GNB1: variants seen among roughly 807,000 people sequenced by gnomAD.
The protein encoded by GNB1 is G protein subunit beta 1.
GNB1 carries 2 observed loss-of-function variants against 42.9 expected under a neutral mutation model. The observed-to-expected ratio is 0.05, with a 90% confidence interval of 0.02 to 0.15. The LOEUF (loss-of-function observed/expected upper bound fraction) is 0.15. GNB1 is among the 10% of genes least tolerant of loss of function. The pLI is 1.00. For missense variants in GNB1, 193 were observed against 462.2 expected (o/e 0.42, Z 5.34); for synonymous variants, 183 against 174.7 (o/e 1.05, Z -0.38).
intron 2 of GNB1, among the ~76,000 whole-genome samples, chr1:1,830,992 C>T (rs1002028361): frequency 2.6e-5 from 4 of 152,068 alleles, no homozygotes; most frequent in South Asian, 4.2e-4. Context: ...GGTGAAACTC[C>T]GTTTCTACTA....
chr1:1,829,222 A>G (rs1647042299), intron 2 of GNB1, among the ~76,000 whole-genome samples: 1 of 151,966 alleles, frequency 6.6e-6, no homozygotes, highest in African/African-American at 2.4e-5. Flanking sequence ...ACGCTTGGCT[A>G]GTTTTTGTAT....
intron 1 of GNB1, among the ~76,000 whole-genome samples, chr1:1,889,536 G>C (rs1328384648): frequency 2.0e-5 from 3 of 152,076 alleles, no homozygotes; most frequent in African/African-American, 7.2e-5. Flanking sequence ...GACAGGCTGG[G>C]CACGGTGGCT....
intron 10 of GNB1, chr1:1,788,766 G>A: frequency 2.8e-6 from 1 of 356,438 alleles, no homozygotes; most frequent in Non-Finnish European, 5.3e-6. Flanking sequence ...GTTCAGAGGG[G>A]AAAGCACGGG....
At chr1:1,835,913 T>A (rs1161524370) in intron 2 of GNB1, among the ~76,000 whole-genome samples, 1 of 46,288 alleles carries the variant, frequency 2.2e-5, no homozygotes, top group Non-Finnish European at 5.1e-5. Flanking sequence ...CTTACAAGAA[T>A]TAAAAAAAGA....
In GNB1 at chr1:1,852,559, G is replaced by A. The variant is rs997428781; in HGVS notation, c.-95-13321C>T. 4.6e-5 allele frequency among the ~76,000 whole-genome samples: 7 copies of A among 152,032 alleles called. No individual in the cohort carries two copies. The South Asian group carries it at 8.3e-4, about 18-fold the overall frequency. On this transcript the variant is annotated intron_variant, in intron 1 of 11. Transcript: ENST00000378609. ...AATATTTTTTAAAAAAATTGGCATG[G>A]TGGTGCATACCTGTAGTCCTAGCTA...
chr1:1,852,621 G>A (rs950624371), intron 1 of GNB1, among the ~76,000 whole-genome samples: 4 of 151,856 alleles, frequency 2.6e-5, no homozygotes, highest in South Asian at 2.1e-4. Flanking sequence ...GTTGAGCCCA[G>A]GAGTTGAAGG....
At chr1:1,841,338 G>C (rs1307943251) in intron 1 of GNB1, among the ~76,000 whole-genome samples, 1 of 152,040 alleles carries the variant, frequency 6.6e-6, no homozygotes, top group African/African-American at 2.4e-5. Context: ...ACAGGCACAC[G>C]CCATGCCTTT....
intron 3 of GNB1, chr1:1,825,155 T>C (rs534220111): frequency 1.1e-4 from 47 of 424,574 alleles, no homozygotes; most frequent in Non-Finnish European, 1.9e-4. Flanking sequence ...AAGACACTTA[T>C]AAATTCTACG....
At chr1:1,792,955 A>G (rs937960494) in intron 8 of GNB1, among the ~76,000 whole-genome samples, 1 of 151,920 alleles carries the variant, frequency 6.6e-6, no homozygotes, top group Non-Finnish European at 1.5e-5. Flanking sequence ...AATCCCAGCT[A>G]TTCAGGAGGA....
At chr1:1,854,118 C>T (rs1363871208) in intron 1 of GNB1, among the ~76,000 whole-genome samples, 2 of 152,168 alleles carry the variant, frequency 1.3e-5, no homozygotes, top group South Asian at 2.1e-4. Context: ...AGGCATTAAG[C>T]GAACAGTGCA....
Position 1,792,707 on chromosome 1 carries a change from A to G in GNB1, c.497+538T>C, listed in dbSNP as rs549543723. On this transcript the variant is annotated intron_variant, in intron 8 of 11. Coordinates refer to ENST00000378609, the MANE Select transcript of GNB1 (RefSeq NM_002074.5). ...GAGAGACTCTATCTCAAAAAAAAAA[A>G]AAAAAAGAAAAAAATGTGTATTTTA... Among the ~76,000 whole-genome samples, 257 of 151,742 alleles carry G rather than the reference A, an allele frequency of 1.7e-3. 2 individuals are homozygous for G. The highest frequency in any genetic ancestry group is 6.0e-3 in the African/African-American group (249 of 41,402).
intron 1 of GNB1, among the ~76,000 whole-genome samples, chr1:1,855,512 T>C (rs1248837599): frequency 4.6e-5 from 7 of 151,606 alleles, no homozygotes; most frequent in South Asian, 2.1e-4. Context: ...CCATCCTGGC[T>C]AACACAGTGA....
intron 7 of GNB1, among the ~76,000 whole-genome samples, chr1:1,794,498 G>T (rs897636772): frequency 1.3e-5 from 2 of 152,150 alleles, no homozygotes; most frequent in Non-Finnish European, 2.9e-5. Context: ...TGGCACTGGT[G>T]ATTCTTGGGA....
At chr1:1,817,721 G>C in intron 4 of GNB1, 116 bp downstream of exon 4, 2 of 647,356 alleles carry the variant, frequency 3.1e-6, no homozygotes, top group Non-Finnish European at 5.6e-6. Flanking sequence ...GCAGTGGCTT[G>C]GCATCCTCAC....
chr1:1,790,999 G>A lies in GNB1; in HGVS notation c.498-403C>T, dbSNP rs1646474516. Among the ~76,000 whole-genome samples, 1 of 152,098 alleles carries A rather than the reference G, an allele frequency of 6.6e-6. No homozygotes were observed. The highest frequency in any genetic ancestry group is 1.5e-5 in the Non-Finnish European group (1 of 68,024). ...CGGAGGGGACGCGACTCTATCTGTG[G>A]CTGCTCCCTCTGTGCCCTCCCTTGG... On this transcript the variant is annotated intron_variant, in intron 8 of 11. Transcript: ENST00000378609. The surrounding 1 kb of genome is among the most constrained non-coding windows in gnomAD (Gnocchi z 5.4).
chr1:1,863,023 A>G (rs1648718702), intron 1 of GNB1, among the ~76,000 whole-genome samples: 1 of 152,208 alleles, frequency 6.6e-6, no homozygotes, highest in African/African-American at 2.4e-5. Flanking sequence ...GCACAGTGCT[A>G]GACCCAGGCT....
chr1:1,849,828 TCAC>T (rs1647883942), intron 1 of GNB1, among the ~76,000 whole-genome samples: 1 of 152,152 alleles, frequency 6.6e-6, no homozygotes, highest in South Asian at 2.1e-4. Context: ...CCTCTGAACT[TCAC>T]AGACCTCTGG....
chr1:1,842,605 G>C (rs1368464285), intron 1 of GNB1, among the ~76,000 whole-genome samples: 1 of 152,176 alleles, frequency 6.6e-6, no homozygotes, highest in Non-Finnish European at 1.5e-5. Flanking sequence ...GTGGTTGCCA[G>C]GGGCTGCATG....
intron 2 of GNB1, among the ~76,000 whole-genome samples, chr1:1,829,617 T>C (rs1370576345): frequency 6.6e-6 from 1 of 152,162 alleles, no homozygotes; most frequent in Non-Finnish European, 1.5e-5. Flanking sequence ...AACAGCCTTC[T>C]CAGTGGCTCT....
Sources: allele counts gnomAD v4.1 joint callset (sites outside exome capture counted in the v4.1 genomes callset), GRCh38; gene constraint gnomAD v4.1.1; non-coding constraint Gnocchi (gnomAD v3.1); transcripts MANE v1.5; gene names NCBI Gene and HGNC (gene_info 2026-07-23, HGNC 2026-07-21).